PADI6: variants seen among roughly 807,000 people sequenced by gnomAD.
PADI6 encodes the protein inactive protein-arginine deiminase type-6.
A neutral mutation model predicts 78.2 loss-of-function variants in PADI6; 66 were observed. That is an observed-to-expected ratio of 0.84 (90% CI 0.69 to 1.04). PADI6 has a LOEUF of 1.04. PADI6 is among the 50% of genes least tolerant of loss of function. The pLI, the probability that PADI6 is intolerant of heterozygous loss-of-function variation, is 0.00. For missense variants in PADI6, 854 were observed against 866.1 expected, an observed-to-expected ratio of 0.99 and a Z score of 0.18; for synonymous variants, 397 against 346.9, an observed-to-expected ratio of 1.14 and a Z score of -1.60.
rs548067524 is a variant in PADI6 at position 17,372,409 on chromosome 1, A to G, written c.116+48A>G. 16 of 1,549,158 alleles carry G rather than the reference A, an allele frequency of 1.0e-5. No homozygotes were observed. The South Asian group carries it at 1.8e-4, about 17-fold the overall frequency. ...AGAGGTGGCAGGCAGACAGGCAGGC[A>G]GGCCTGGGACCCAGTCCCCTTGATC... On this transcript the variant is annotated intron_variant, in intron 1 of 15. Coordinates refer to ENST00000619609, the MANE Select transcript of PADI6 (RefSeq NM_207421.4).
In PADI6 at chr1:17,395,648, C is replaced by A; in HGVS notation, c.1603C>A (p.Gln535Lys). 2 of 1,611,496 alleles carry A rather than the reference C, an allele frequency of 1.2e-6. No homozygotes were observed. Among genetic ancestry groups the A allele is most frequent in the East Asian group, 2.2e-5 (1 of 44,856 alleles). ...TCTGTTTGATGAGCTTAGAGCAGAT[C>A]AGCTCCTGTCTAATGGTAAGGGAAC... ...ALLFDELRAD[Q>K]LLSNGREAKT... The change falls in exon 13 of 16, where the codon CAG (glutamine) becomes AAG (lysine). Residue 535 changes from glutamine to lysine, a missense_variant. By Grantham distance (53) the Gln-to-Lys change is moderately conservative. Transcript: ENST00000619609.
At chr1:17,379,797 G>T in intron 3 of PADI6, 123 bp from the exon 4 acceptor site, 1 of 744,822 alleles carries the variant, frequency 1.3e-6, no homozygotes, top group East Asian at 2.7e-5. Context: ...TAAGCTGATA[G>T]CATGCCAGAA....
intron 2 of PADI6, among the ~76,000 whole-genome samples, chr1:17,373,499 TA>T (rs1359747751): frequency 6.4e-4 from 69 of 108,514 alleles, no homozygotes; most frequent in South Asian, 3.5e-3. Context: ...ATTTATTTAT[TA>T]TTATTTTTTT....
At chr1:17,393,161 CT>C (rs2075206394) in intron 9 of PADI6, among the ~76,000 whole-genome samples, 1 of 151,826 alleles carries the variant, frequency 6.6e-6, no homozygotes, top group Non-Finnish European at 1.5e-5. Context: ...AAAAAAAAAT[CT>C]GGGGTTGTGC....
At chr1:17,383,576 G>T (rs1288980895) in intron 6 of PADI6, among the ~76,000 whole-genome samples, 2 of 152,238 alleles carry the variant, frequency 1.3e-5, no homozygotes, top group East Asian at 1.9e-4. Flanking sequence ...GGCTGGGCGT[G>T]GTGGCTCATG....
chr1:17,397,172 A>G (rs1188949094), intron 14 of PADI6, 31 bp downstream of exon 14: 1 of 1,611,378 alleles, frequency 6.2e-7, no homozygotes, highest in Non-Finnish European at 8.5e-7. Flanking sequence ...GCCATCCCCA[A>G]GAAAGAGCTG....
At chr1:17,389,064 A>C (rs1427400264) in intron 8 of PADI6, among the ~76,000 whole-genome samples, 184 bp downstream of exon 8, 1 of 152,194 alleles carries the variant, frequency 6.6e-6, no homozygotes, top group Non-Finnish European at 1.5e-5. Flanking sequence ...ATTCCCAAAG[A>C]TGGGCATGGA....
intron 4 of PADI6, among the ~76,000 whole-genome samples, chr1:17,380,191 TTTG>T (rs1381062792): frequency 1.3e-5 from 2 of 151,946 alleles, no homozygotes; most frequent in East Asian, 3.9e-4. Flanking sequence ...GGGGTATTTT[TTTG>T]TTTTTTTTTG....
rs138901154 is a variant in PADI6 at position 17,397,667 on chromosome 1, A to G, written c.1689+526A>G. Among the ~76,000 whole-genome samples, 437 of 152,118 alleles carry G rather than the reference A, an allele frequency of 2.9e-3. 4 individuals are homozygous for G. The highest frequency in any genetic ancestry group is 1.0e-2 in the African/African-American group (414 of 41,452). On this transcript the variant is annotated intron_variant, in intron 14 of 15. Transcript: ENST00000619609. ...ATACCTCACTACAAACCCTGCAGATAGCCCTATAAAACTACAAACCCTGCA... is the reference window on the plus strand; with the variant it reads ...ATACCTCACTACAAACCCTGCAGATGGCCCTATAAAACTACAAACCCTGCA...
chr1:17,378,529 G>A (rs948302223), intron 3 of PADI6, among the ~76,000 whole-genome samples: 10 of 152,208 alleles, frequency 6.6e-5, no homozygotes, highest in African/African-American at 2.4e-4. Flanking sequence ...AGGGATGGGA[G>A]GTGGTATGCT....
At position 17,379,953 on chromosome 1, in the gene PADI6, G is replaced by A. The variant is rs553893773; in HGVS notation, c.401G>A (p.Gly134Glu). Reference protein sequence around the residue: ...VSLEVDIYRNGQVEMSSDKQA... With the variant: ...VSLEVDIYRNEQVEMSSDKQA... ...CTAGAGGTAGACATCTACCGCAATG[G>A]GCAAGTTGAGATGTCAAGTGACAAA... The change falls in exon 4 of 16, where the codon GGG (glycine) becomes GAG (glutamate). Residue 134 changes from glycine to glutamate, a missense_variant. By Grantham distance (98) the Gly-to-Glu change is moderately conservative (BLOSUM62 -2). Coordinates refer to ENST00000619609, the MANE Select transcript of PADI6 (RefSeq NM_207421.4). 6.2e-7 allele frequency: 1 copy of A among 1,613,530 alleles called. No individual in the cohort carries two copies. The highest frequency in any genetic ancestry group is 8.5e-7 in the Non-Finnish European group (1 of 1,179,616).
At position 17,385,873 on chromosome 1, in the gene PADI6, C is replaced by T. The variant is rs113537129; in HGVS notation, c.680-2508C>T. Among the ~76,000 whole-genome samples, 30 of 152,250 alleles carry T rather than the reference C, an allele frequency of 2.0e-4. 1 individual carries two copies. Among genetic ancestry groups the T allele is most frequent in the African/African-American group, 7.0e-4 (29 of 41,554 alleles). On this transcript the variant is annotated intron_variant, in intron 6 of 15. Coordinates refer to ENST00000619609, the MANE Select transcript of PADI6 (RefSeq NM_207421.4). ...AAGGGTACCCACCTTCCTGTAAGTCCAGCAGTACATGGCAGGTAGGAAAAA... is the reference window on the plus strand; with the variant it reads ...AAGGGTACCCACCTTCCTGTAAGTCTAGCAGTACATGGCAGGTAGGAAAAA...
intron 6 of PADI6, among the ~76,000 whole-genome samples, chr1:17,384,556 A>G (rs2075102664): frequency 6.6e-6 from 1 of 152,210 alleles, no homozygotes; most frequent in African/African-American, 2.4e-5. Flanking sequence ...AGCCTGGCCA[A>G]CATGGTTAAA....
chr1:17,389,335 G>GA (rs1244370922), intron 8 of PADI6, among the ~76,000 whole-genome samples: 1 of 152,156 alleles, frequency 6.6e-6, no homozygotes, highest in Non-Finnish European at 1.5e-5. Flanking sequence ...ATACAGTGGT[G>GA]AAAGCTTTCT....
In PADI6 at chr1:17,373,866, G is replaced by A. The variant is rs530995606; in HGVS notation, c.294+633G>A. Among the ~76,000 whole-genome samples the A allele has an allele frequency of 1.3e-3, 198 of 152,260 alleles. 1 individual carries two copies. Among genetic ancestry groups the A allele is most frequent in the African/African-American group, 4.4e-3 (182 of 41,552 alleles). On this transcript the variant is annotated intron_variant, in intron 2 of 15. Coordinates refer to ENST00000619609, the MANE Select transcript of PADI6 (RefSeq NM_207421.4). ...AACCTAAGTAGCCTACCTAGAGTGG[G>A]ATAGACCCAGGATTTGAGCTTGAGC...
At chr1:17,380,167 T>C (rs932744744) in intron 4 of PADI6, among the ~76,000 whole-genome samples, 180 bp downstream of exon 4, 4 of 152,156 alleles carry the variant, frequency 2.6e-5, no homozygotes, top group African/African-American at 4.8e-5. Flanking sequence ...CTGATTAAAT[T>C]CCTTTTCTTT....
chr1:17,375,256 G>T (rs1011007393), intron 2 of PADI6, among the ~76,000 whole-genome samples, 171 bp from the exon 3 acceptor site: 1 of 152,138 alleles, frequency 6.6e-6, no homozygotes, highest in African/African-American at 2.4e-5. Flanking sequence ...TTAGGGGACT[G>T]ACTCAGCCCT....
intron 8 of PADI6, among the ~76,000 whole-genome samples, chr1:17,391,612 A>G (rs568759630): frequency 6.6e-6 from 1 of 152,344 alleles, no homozygotes; most frequent in Admixed American, 6.5e-5. Flanking sequence ...TGCTGTGCAC[A>G]ACGGCTTGAA....
chr1:17,398,648 T>TCCCCTGCCC, intron 14 of PADI6, 38 bp from the exon 15 acceptor site: 2 of 193,328 alleles, frequency 1.0e-5, no homozygotes, highest in South Asian at 6.3e-5. Flanking sequence ...CTCTCCTTGC[T>TCCCCTGCCC]CCCCCGCCCC....
Sources: gnomAD v4.1 joint callset for allele counts (sites outside exome capture counted in the v4.1 genomes callset) on GRCh38, gnomAD v4.1.1 for gene constraint, MANE v1.5 for transcripts, NCBI Gene and HGNC (gene_info 2026-07-23, HGNC 2026-07-21) for gene names.